SLC17A6: variants seen among roughly 807,000 people sequenced by gnomAD.
SLC17A6 encodes vesicular glutamate transporter 2.
SLC17A6 carries 35 observed loss-of-function variants against 67.1 expected under a neutral mutation model. That is an observed-to-expected ratio of 0.52 (90% CI 0.40 to 0.69). The LOEUF (loss-of-function observed/expected upper bound fraction) is 0.69, where lower values mean the gene tolerates loss of function less well. Ranked by LOEUF, SLC17A6 falls within the 30% of genes least tolerant of loss-of-function variation. The pLI is 0.00. For synonymous variants in SLC17A6, 285 were observed against 252.3 expected, an observed-to-expected ratio of 1.13 and a Z score of -1.23; for missense variants, 588 against 723.9, an observed-to-expected ratio of 0.81 and a Z score of 2.15.
intron 8 of SLC17A6, among the ~76,000 whole-genome samples, chr11:22,370,988 C>A (rs1856169662): frequency 6.6e-6 from 1 of 152,038 alleles, no homozygotes; most frequent in Non-Finnish European, 1.5e-5. Flanking sequence ...ACCTGTTGAA[C>A]AACAATCGTC....
At chr11:22,356,510 C>T (rs1009497134) in intron 3 of SLC17A6, among the ~76,000 whole-genome samples, 1 of 151,858 alleles carries the variant, frequency 6.6e-6, no homozygotes, top group Non-Finnish European at 1.5e-5. Context: ...TGAGATGAAG[C>T]GCCCACTAAT....
At chr11:22,343,602 G>T (rs1361185160) in intron 3 of SLC17A6, among the ~76,000 whole-genome samples, 1 of 152,192 alleles carries the variant, frequency 6.6e-6, no homozygotes, top group Non-Finnish European at 1.5e-5. Flanking sequence ...TCCCTCTGCT[G>T]TGGCTGAACT....
At chr11:22,343,072 G>A in intron 2 of SLC17A6, 175 bp from the exon 3 acceptor site, 1 of 691,294 alleles carries the variant, frequency 1.4e-6, no homozygotes, top group Non-Finnish European at 2.6e-6. Context: ...AATGAGCAGG[G>A]TTTTTTCGTT....
chr11:22,368,440 T>G (rs1376906027), intron 7 of SLC17A6, among the ~76,000 whole-genome samples: 1 of 152,038 alleles, frequency 6.6e-6, no homozygotes, highest in Non-Finnish European at 1.5e-5. Context: ...TTTTATAAAC[T>G]AAACATAAAC....
intron 7 of SLC17A6, among the ~76,000 whole-genome samples, chr11:22,366,716 G>T (rs1181508943): frequency 6.6e-6 from 1 of 152,080 alleles, no homozygotes; most frequent in Non-Finnish European, 1.5e-5. Flanking sequence ...AGGTGGCTGG[G>T]CGTCGTGGCT....
intron 3 of SLC17A6, among the ~76,000 whole-genome samples, chr11:22,357,097 TAAAAC>T (rs924821670): frequency 2.6e-5 from 4 of 152,218 alleles, no homozygotes; most frequent in African/African-American, 9.6e-5. Context: ...GGGTTTTAAA[TAAAAC>T]AGAACTATAT....
At chr11:22,355,977 T>C (rs2133866913) in intron 3 of SLC17A6, among the ~76,000 whole-genome samples, 1 of 152,338 alleles carries the variant, frequency 6.6e-6, no homozygotes, top group African/African-American at 2.4e-5. Flanking sequence ...CCTACTACAC[T>C]GAGGTCCATC....
chr11:22,363,322 T>A (rs747785551), intron 6 of SLC17A6, among the ~76,000 whole-genome samples: 51 of 152,310 alleles, frequency 3.3e-4, no homozygotes, highest in Non-Finnish European at 5.6e-4. Flanking sequence ...TGTAGCAGCA[T>A]ATCTCAGTCC....
chr11:22,364,803 G>C (rs1043844103), intron 6 of SLC17A6, among the ~76,000 whole-genome samples: 1 of 151,978 alleles, frequency 6.6e-6, no homozygotes, highest in African/African-American at 2.4e-5. Context: ...GATTTATATC[G>C]CACAAAAAGG....
At chr11:22,371,409 C>G (rs963332233) in intron 8 of SLC17A6, among the ~76,000 whole-genome samples, 1 of 152,030 alleles carries the variant, frequency 6.6e-6, no homozygotes, top group Non-Finnish European at 1.5e-5. Flanking sequence ...TCTAAGGAAA[C>G]TGTTTCCTCC....
rs538292796 is a variant in SLC17A6, at chr11:22,350,117, A to T, written c.458+6752A>T. On this transcript the variant is annotated intron_variant, in intron 3 of 11. Coordinates refer to ENST00000263160, the MANE Select transcript of SLC17A6 (RefSeq NM_020346.3). The stretch of plus-strand genomic sequence containing the variant: ...GTGGCTGTGGGTCATAGAAAATATG[A>T]TTAGGAATTTCAAAGCGAACTCATT... Among the ~76,000 whole-genome samples the T allele has an allele frequency of 5.9e-5, 9 of 152,230 alleles. No homozygotes were observed. In the East Asian group the frequency reaches 1.7e-3, roughly 29 times the overall value.
At chr11:22,346,750 C>T (rs977300118) in intron 3 of SLC17A6, among the ~76,000 whole-genome samples, 1 of 150,722 alleles carries the variant, frequency 6.6e-6, no homozygotes, top group African/African-American at 2.4e-5. Context: ...ACTGGTTTTA[C>T]CCTGTATTTA....
At chr11:22,342,193 G>A (rs1004605732) in intron 2 of SLC17A6, among the ~76,000 whole-genome samples, 1 of 152,200 alleles carries the variant, frequency 6.6e-6, no homozygotes. Context: ...AAACAAACTG[G>A]AAAACAAAAT....
intron 3 of SLC17A6, among the ~76,000 whole-genome samples, chr11:22,356,293 T>C (rs1336300473): frequency 6.6e-6 from 1 of 152,154 alleles, no homozygotes; most frequent in Non-Finnish European, 1.5e-5. Context: ...AATGCATGAA[T>C]GAATATTGAA....
chr11:22,356,997 C>T (rs574463063), intron 3 of SLC17A6, among the ~76,000 whole-genome samples: 1 of 152,136 alleles, frequency 6.6e-6, no homozygotes, highest in Non-Finnish European at 1.5e-5. Context: ...TGAAGATTAT[C>T]ATTTAAATTT....
chr11:22,351,401 A>T (rs1447511), intron 3 of SLC17A6, among the ~76,000 whole-genome samples: 11,889 of 151,774 alleles, frequency 0.078, 690 homozygotes, highest in Admixed American at 0.2. Context: ...GCACTCTCAC[A>T]CTCTTCTCTT....
intron 6 of SLC17A6, among the ~76,000 whole-genome samples, chr11:22,363,569 A>G (rs1856076138): frequency 6.6e-6 from 1 of 152,164 alleles, no homozygotes; most frequent in Non-Finnish European, 1.5e-5. Context: ...ATATTAATGA[A>G]GTCATGTGGT....
intron 1 of SLC17A6, among the ~76,000 whole-genome samples, chr11:22,339,061 TTATA>T (rs59446847): frequency 9.7e-5 from 12 of 123,780 alleles, no homozygotes; most frequent in East Asian, 7.5e-4. Flanking sequence ...GAGTAATGGT[TTATA>T]TATATATATA....
intron 1 of SLC17A6, among the ~76,000 whole-genome samples, chr11:22,338,917 A>C (rs1855768762): frequency 6.6e-6 from 1 of 150,498 alleles, no homozygotes. Context: ...TCTTCTTTAC[A>C]GTTAAGAAAT....
Sources: gnomAD v4.1 joint callset for allele counts (sites outside exome capture counted in the v4.1 genomes callset) on GRCh38, gnomAD v4.1.1 for gene constraint, MANE v1.5 for transcripts, NCBI Gene and HGNC (gene_info 2026-07-23, HGNC 2026-07-21) for gene names.